The following PLAC8L1 variants were observed in gnomAD, a reference collection of about 807,000 sequenced individuals.
PLAC8L1 encodes the protein PLAC8 like 1, also known as PLAC8-like protein 1.
PLAC8L1 carries 13 observed loss-of-function variants against 16.3 expected under a neutral mutation model. The ratio of observed to expected loss-of-function variants is 0.80; its 90% CI spans 0.52 to 1.27. PLAC8L1 has a LOEUF of 1.27. Among genes scored for constraint, PLAC8L1 ranks in the 50% most tolerant of loss-of-function variants. The pLI, the probability that PLAC8L1 is intolerant of heterozygous loss-of-function variation, is 0.00. For synonymous variants in PLAC8L1, 78 were observed against 79.3 expected, an observed-to-expected ratio of 0.98 and a Z score of 0.09; for missense variants, 184 against 220.2, an observed-to-expected ratio of 0.84 and a Z score of 1.04.
intron 2 of PLAC8L1, among the ~76,000 whole-genome samples, chr5:146,096,886 A>G (rs1015874284): frequency 6.6e-6 from 1 of 152,232 alleles, no homozygotes; most frequent in Non-Finnish European, 1.5e-5. Context: ...CCACATGGGT[A>G]GCCGCGACAG....
chr5:146,089,953 G>A (rs907206700), intron 2 of PLAC8L1, among the ~76,000 whole-genome samples: 8 of 151,786 alleles, frequency 5.3e-5, no homozygotes, highest in African/African-American at 1.9e-4. Flanking sequence ...TGGCCAGGCT[G>A]GTCTCAAACT....
intron 1 of PLAC8L1, among the ~76,000 whole-genome samples, chr5:146,102,249 G>C (rs1317629336): frequency 6.6e-6 from 1 of 151,682 alleles, no homozygotes; most frequent in Non-Finnish European, 1.5e-5. Flanking sequence ...GTAGAGATAG[G>C]GGTCTCGCTT....
In PLAC8L1 at chr5:146,093,664, G is replaced by A. The variant is rs183026697; in HGVS notation, c.256+4492C>T. Among the ~76,000 whole-genome samples, 419 of 152,286 alleles carry A rather than the reference G, an allele frequency of 2.8e-3. 7 individuals are homozygous for A. Among genetic ancestry groups the A allele is most frequent in the East Asian group, 3.9e-3 (20 of 5,180 alleles). ...CTATGGTCTAAATGCTCTGCTGGGC[G>A]TCAGAGCATTGAACAAGAAAACTGG... On this transcript the variant is annotated intron_variant, in intron 2 of 3. Coordinates refer to ENST00000311450, the MANE Select transcript of PLAC8L1 (RefSeq NM_001029869.3).
rs74779859 is a variant in PLAC8L1, at chr5:146,084,355, T to C, written c.*77A>G. On this transcript the variant is annotated 3_prime_UTR_variant, in exon 4 of 4. Transcript: ENST00000311450. The stretch of plus-strand genomic sequence containing the variant: ...ATTTTCATACCATTTCAGTAAAAAC[T>C]TAGGAAAAAGCAATTGTTCCACTGA... 3.1e-3 allele frequency: 4,722 copies of C among 1,515,678 alleles called. 131 individuals carry two copies. The African/African-American group carries it at 0.057, about 18-fold the overall frequency. The allele number at this position is 1,515,678 out of a possible 1,614,324, so 93.9% of individuals were successfully genotyped here.
chr5:146,091,431 GT>G (rs1397089948), intron 2 of PLAC8L1, among the ~76,000 whole-genome samples: 1 of 152,004 alleles, frequency 6.6e-6, no homozygotes, highest in Admixed American at 6.6e-5. Flanking sequence ...CAAATTTTGA[GT>G]TTAAAAAAAT....
At chr5:146,086,351 A>G (rs11960510) in intron 2 of PLAC8L1, among the ~76,000 whole-genome samples, 33,997 of 152,148 alleles carry the variant, frequency 0.22, 4,874 homozygotes, top group Admixed American at 0.34. Flanking sequence ...ATAGTACACT[A>G]ATTCTGCCTC....
At chr5:146,101,506 T>C (rs1052886130) in intron 1 of PLAC8L1, among the ~76,000 whole-genome samples, 2 of 152,204 alleles carry the variant, frequency 1.3e-5, no homozygotes, top group Non-Finnish European at 2.9e-5. Context: ...TCTGCCTCCA[T>C]GTGTGCTCCC....
chr5:146,099,098 T>A (rs1763765177), intron 1 of PLAC8L1, among the ~76,000 whole-genome samples: 1 of 152,264 alleles, frequency 6.6e-6, no homozygotes, highest in East Asian at 1.9e-4. Context: ...CAGTTGTGCC[T>A]GAATTTCAAC....
At chr5:146,095,251 C>G (rs963918770) in intron 2 of PLAC8L1, among the ~76,000 whole-genome samples, 2 of 152,174 alleles carry the variant, frequency 1.3e-5, no homozygotes, top group African/African-American at 4.8e-5. Flanking sequence ...TATCCATGGC[C>G]TTTCATTCAG....
intron 3 of PLAC8L1, 29 bp downstream of exon 3, chr5:146,085,432 G>A: frequency 1.2e-6 from 2 of 1,600,902 alleles, no homozygotes; most frequent in Admixed American, 3.4e-5. Context: ...TACAGATTCG[G>A]GTTCACGTAT....
At chr5:146,087,886 A>C (rs1763542820) in intron 2 of PLAC8L1, among the ~76,000 whole-genome samples, 1 of 152,190 alleles carries the variant, frequency 6.6e-6, no homozygotes, top group Non-Finnish European at 1.5e-5. Context: ...ATGGCCAGGG[A>C]AAGAGGAAGA....
chr5:146,091,117 C>T (rs2150034764), intron 2 of PLAC8L1, among the ~76,000 whole-genome samples: 1 of 152,206 alleles, frequency 6.6e-6, no homozygotes. Context: ...GTACTCCACA[C>T]ACAGATGGAA....
intron 1 of PLAC8L1, chr5:146,103,644 G>A: frequency 1.0e-6 from 1 of 984,292 alleles, no homozygotes; most frequent in Non-Finnish European, 1.2e-6. Context: ...TCAGGAGGCA[G>A]GAGGCTAACT....
At chr5:146,084,666 C>A in intron 3 of PLAC8L1, 94 bp from the exon 4 acceptor site, 1 of 1,486,566 alleles carries the variant, frequency 6.7e-7, no homozygotes, top group South Asian at 1.3e-5. Flanking sequence ...GCCCTTCAAC[C>A]ACAGCTTCCA....
At chr5:146,086,900 T>A (rs62371914) in intron 2 of PLAC8L1, among the ~76,000 whole-genome samples, 90 of 152,320 alleles carry the variant, frequency 5.9e-4, no homozygotes, top group Non-Finnish European at 9.8e-4. Context: ...GGAGGCATAA[T>A]TTATATATAA....
chr5:146,088,790 C>T (rs774657766), intron 2 of PLAC8L1, among the ~76,000 whole-genome samples: 11 of 152,058 alleles, frequency 7.2e-5, no homozygotes, highest in Non-Finnish European at 1.3e-4. Context: ...CCACCCAGCC[C>T]GGATACCTGG....
At position 146,101,196 on chromosome 5, in the gene PLAC8L1, CAAA is replaced by C. The variant is rs35143616; in HGVS notation, c.120-2907_120-2905del. ...TAGGCAACAGAGCAAGACCCTGTCTCAAAAAAAAAAAAAAAAAAAAAAAATAGG... is the reference window on the plus strand; with the variant it reads ...TAGGCAACAGAGCAAGACCCTGTCTCAAAAAAAAAAAAAAAAAAAAATAGG... On this transcript the variant is annotated intron_variant, in intron 1 of 3. Coordinates refer to ENST00000311450, the MANE Select transcript of PLAC8L1 (RefSeq NM_001029869.3). Among the ~76,000 whole-genome samples the C allele has an allele frequency of 1.7e-3, 141 of 82,164 alleles. 3 individuals are homozygous for C. Among genetic ancestry groups the C allele is most frequent in the East Asian group, 7.9e-3 (21 of 2,642 alleles). The allele number at this position is 82,164 out of a possible 152,430, so 53.9% of individuals were successfully genotyped here.
intron 2 of PLAC8L1, among the ~76,000 whole-genome samples, chr5:146,086,612 G>A (rs1004235315): frequency 7.9e-5 from 12 of 152,168 alleles, no homozygotes; most frequent in Non-Finnish European, 1.8e-4. Flanking sequence ...ACCATTTTGA[G>A]AGTACAATGA....
chr5:146,104,178 C>A lies in PLAC8L1; in HGVS notation c.119+15G>T. ...AAGAGCAAAAGCTAGGGGAAAAACTCACCCTATTCCCTACCTCAAGTTGGA... is the reference window on the plus strand; with the variant it reads ...AAGAGCAAAAGCTAGGGGAAAAACTAACCCTATTCCCTACCTCAAGTTGGA... On this transcript the variant is annotated intron_variant, in intron 1 of 3. Transcript: ENST00000311450. 1 of 1,611,742 alleles carries A rather than the reference C, an allele frequency of 6.2e-7. No individual in the cohort carries two copies. Among genetic ancestry groups the A allele is most frequent in the South Asian group, 1.1e-5 (1 of 90,656 alleles).
Sources: gnomAD v4.1 joint callset for allele counts (sites outside exome capture counted in the v4.1 genomes callset) on GRCh38, gnomAD v4.1.1 for gene constraint, MANE v1.5 for transcripts, NCBI Gene and HGNC (gene_info 2026-07-23, HGNC 2026-07-21) for gene names.